Variants in APBA1 observed in about 807,000 individuals in gnomAD.
APBA1 encodes amyloid-beta A4 precursor protein-binding family A member 1.
A neutral mutation model predicts 86.6 loss-of-function variants in APBA1; 55 were observed. The ratio of observed to expected loss-of-function variants is 0.64; its 90% CI spans 0.51 to 0.80. The LOEUF is 0.80. Ranked by LOEUF, APBA1 falls within the 30% of genes least tolerant of loss-of-function variation. APBA1 has a pLI of 0.00. For missense variants in APBA1, 1,090 were observed against 1,183.0 expected (o/e 0.92, Z 1.15); for synonymous variants, 511 against 493.9 (o/e 1.03, Z -0.46).
intron 1 of APBA1, among the ~76,000 whole-genome samples, chr9:69,600,862 A>G (rs953537702): frequency 2.0e-5 from 3 of 150,290 alleles, no homozygotes; most frequent in Non-Finnish European, 4.4e-5. Flanking sequence ...AATAAAATAT[A>G]AAAATAAAAT....
intron 2 of APBA1, among the ~76,000 whole-genome samples, chr9:69,482,077 C>T (rs1207713843): frequency 2.0e-5 from 3 of 151,174 alleles, no homozygotes; most frequent in African/African-American, 7.3e-5. Flanking sequence ...ACTTCATGTC[C>T]AAAACACCAA....
intron 1 of APBA1, among the ~76,000 whole-genome samples, chr9:69,629,147 CT>C (rs2133996290): frequency 6.6e-6 from 1 of 152,276 alleles, no homozygotes; most frequent in South Asian, 2.1e-4. Flanking sequence ...CCAATTATAA[CT>C]TTTAAACATA....
At chr9:69,468,007 G>T in intron 4 of APBA1, 39 bp from the exon 5 acceptor site, 2 of 1,602,258 alleles carry the variant, frequency 1.2e-6, no homozygotes, top group Non-Finnish European at 1.7e-6. Context: ...GCCATCCTGG[G>T]GTGGGGCCTG....
chr9:69,435,876 T>C lies in APBA1; in HGVS notation c.2302-3200A>G, dbSNP rs545116959. Among the ~76,000 whole-genome samples the C allele has an allele frequency of 2.4e-3, 371 of 152,334 alleles. 2 individuals carry two copies. Among genetic ancestry groups the C allele is most frequent in the African/African-American group, 8.6e-3 (356 of 41,568 alleles). On this transcript the variant is annotated intron_variant, in intron 11 of 12. Transcript: ENST00000265381. Reference sequence around the variant, plus strand: ...CATGAAGTACTTGCCCATGCCTATGTCCTGAATGGTATTGCCTAGGGTTTT... The same window carrying C: ...CATGAAGTACTTGCCCATGCCTATGCCCTGAATGGTATTGCCTAGGGTTTT...
chr9:69,629,083 G>T (rs1331656032), intron 1 of APBA1, among the ~76,000 whole-genome samples: 1 of 152,008 alleles, frequency 6.6e-6, no homozygotes, highest in Non-Finnish European at 1.5e-5. Flanking sequence ...TATACAAAAG[G>T]TAACTTCAGA....
chr9:69,512,542 A>T (rs753422636), intron 2 of APBA1, among the ~76,000 whole-genome samples: 1 of 152,200 alleles, frequency 6.6e-6, no homozygotes, highest in Non-Finnish European at 1.5e-5. Context: ...TTTTGTAAGA[A>T]TACCATTTCT....
At chr9:69,554,321 C>A (rs1836830057) in intron 1 of APBA1, among the ~76,000 whole-genome samples, 2 of 152,136 alleles carry the variant, frequency 1.3e-5, no homozygotes, top group Admixed American at 1.3e-4. Flanking sequence ...AAATTAAGGT[C>A]ATGTACTTAG....
Position 69,516,946 on chromosome 9 carries a change from T to C in APBA1, c.265A>G (p.Thr89Ala), listed in dbSNP as rs1836170140. 6.3e-7 allele frequency: 1 copy of C among 1,593,990 alleles called. No homozygotes were observed. The highest frequency in any genetic ancestry group is 1.3e-5 in the African/African-American group (1 of 74,674). Residue 89 changes from threonine (T) to alanine (A), a missense_variant, in exon 2 of 13, where the codon ACG becomes GCG. Physicochemically the swap from Thr to Ala is moderately conservative, Grantham distance 58. This residue lies in a region of APBA1 where 678 missense variants were observed against 647.1 expected (regional missense o/e 1.05). Transcript: ENST00000265381. The surrounding 1 kb of genome is among the most constrained non-coding windows in gnomAD (Gnocchi z 7.3). ...ASTESGFHNH[T>A]DTAEGDVIAA... ...ATCACGTCGCCCTCGGCGGTGTCCG[T>C]GTGGTTGTGGAAGCCGCTCTCCGTG...
At chr9:69,652,367 G>T (rs1027394930) in intron 1 of APBA1, among the ~76,000 whole-genome samples, 1 of 152,116 alleles carries the variant, frequency 6.6e-6, no homozygotes, top group Non-Finnish European at 1.5e-5. Context: ...AGTGAGCAGG[G>T]CAAAATAGGG....
intron 1 of APBA1, among the ~76,000 whole-genome samples, chr9:69,526,185 T>TAAAACAC (rs1836339468): frequency 6.6e-6 from 1 of 151,876 alleles, no homozygotes; most frequent in Non-Finnish European, 1.5e-5. Flanking sequence ...GATGAAGTCC[T>TAAAACAC]CAAAAGCAAT....
Position 69,503,644 on chromosome 9 carries a change from C to T in APBA1, c.1200+12367G>A, listed in dbSNP as rs186182007. On this transcript the variant is annotated intron_variant, in intron 2 of 12. Coordinates refer to ENST00000265381, the MANE Select transcript of APBA1 (RefSeq NM_001163.4). Reference sequence around the variant, plus strand: ...GAGGTAAATAATGGAATTGTTTTTCCGTTTGCTTAGTCTTCTATGGACTGA... The same window carrying T: ...GAGGTAAATAATGGAATTGTTTTTCTGTTTGCTTAGTCTTCTATGGACTGA... Among the ~76,000 whole-genome samples, 844 of 152,190 alleles carry T rather than the reference C, an allele frequency of 5.5e-3. 17 individuals carry two copies. The highest frequency in any genetic ancestry group is 0.02 in the Middle Eastern group (6 of 294).
chr9:69,640,747 T>TA (rs961006173), intron 1 of APBA1, among the ~76,000 whole-genome samples: 1 of 152,056 alleles, frequency 6.6e-6, no homozygotes, highest in Non-Finnish European at 1.5e-5. Context: ...CCATTCATAA[T>TA]AAAAACTCTC....
chr9:69,516,048 G>A lies in APBA1; in HGVS notation c.1163C>T (p.Thr388Ile). ...IWVMRQDISP[T>I]RDCDDQRPMD... ...CGGCCTCTGGTCGTCACAGTCCCTG[G>A]TGGGGCTAATGTCCTGGCGCATGAC... Residue 388 changes from threonine to isoleucine, a missense_variant, in exon 2 of 13, where the codon ACC becomes ATC. Around this residue, in one of 6 missense-constraint regions of APBA1, gnomAD observed 678 missense variants for 647.1 expected, o/e 1.05. Transcript: ENST00000265381. This position sits in a 1 kb window ranked among gnomAD's most constrained non-coding sequence, Gnocchi z 7.3. The A allele has an allele frequency of 6.2e-7, 1 of 1,601,878 alleles. No individual in the cohort carries two copies. The highest frequency in any genetic ancestry group is 1.7e-5 in the Admixed American group (1 of 59,288).
chr9:69,503,624 A>G (rs1323443122), intron 2 of APBA1, among the ~76,000 whole-genome samples: 1 of 152,154 alleles, frequency 6.6e-6, no homozygotes, highest in Non-Finnish European at 1.5e-5. Flanking sequence ...TTACTGAGGT[A>G]AATAATGGAA....
intron 1 of APBA1, among the ~76,000 whole-genome samples, chr9:69,547,056 T>C (rs1836709618): frequency 6.6e-6 from 1 of 152,246 alleles, no homozygotes; most frequent in Admixed American, 6.5e-5. Flanking sequence ...TAGAAGACAC[T>C]TATGAATCTT....
rs1447086565 is a variant in APBA1 at position 69,456,372 on chromosome 9, C to G, written c.1663G>C (p.Val555Leu). ...ISYIADIGNI[V>L]VLMARRRMPR... ...ATCCGCCGGCGGGCCATCAGCACAA[C>G]GATGTTCCCAATGTCCGCAATGTAG... Residue 555 changes from valine (V) to leucine (L), a missense_variant, in exon 8 of 13, where the codon GTT becomes CTT. This residue lies in a region of APBA1 where 103 missense variants were observed against 91.9 expected (regional missense o/e 1.12). Transcript: ENST00000265381. The G allele has an allele frequency of 6.2e-7, 1 of 1,613,596 alleles. No homozygotes were observed. Among genetic ancestry groups the G allele is most frequent in the African/African-American group, 1.3e-5 (1 of 74,904 alleles).
intron 1 of APBA1, among the ~76,000 whole-genome samples, chr9:69,588,743 G>A (rs181747610): frequency 1.4e-3 from 210 of 152,190 alleles, no homozygotes; most frequent in Non-Finnish European, 2.5e-3. Context: ...CATATGGCAG[G>A]CATTATGCTA....
intron 11 of APBA1, among the ~76,000 whole-genome samples, chr9:69,439,625 C>T (rs1017501219): frequency 5.3e-5 from 8 of 151,980 alleles, no homozygotes; most frequent in Non-Finnish European, 8.8e-5. Flanking sequence ...GTGTGGTTTT[C>T]AGCTCCATCA....
chr9:69,454,324 G>GA (rs1835059199), intron 8 of APBA1, among the ~76,000 whole-genome samples: 1 of 152,194 alleles, frequency 6.6e-6, no homozygotes, highest in African/African-American at 2.4e-5. Context: ...CAGACAAACT[G>GA]AAAAATATAT....
Sources: allele counts gnomAD v4.1 joint callset (sites outside exome capture counted in the v4.1 genomes callset), GRCh38; gene constraint gnomAD v4.1.1; regional missense constraint gnomAD v4.1.1; non-coding constraint Gnocchi (gnomAD v3.1); transcripts MANE v1.5; gene names NCBI Gene and HGNC (gene_info 2026-07-23, HGNC 2026-07-21).